EGFL7: variants seen among roughly 807,000 people sequenced by gnomAD.
EGFL7 encodes the protein epidermal growth factor-like protein 7.
In EGFL7, 48 loss-of-function variants were observed where a neutral mutation model predicts 37.1. The observed-to-expected ratio is 1.29, with a 90% CI of 1.03 to 1.65. EGFL7 has a LOEUF of 1.65. Ranked by LOEUF, EGFL7 falls within the 40% of genes most tolerant of loss-of-function variation. The pLI is 0.00. For missense variants in EGFL7, 384 were observed against 378.9 expected (o/e 1.01, Z -0.11); for synonymous variants, 180 against 156.8 (o/e 1.15, Z -1.10).
Position 136,666,749 on chromosome 9 carries a change from TCCCGGGTCCCACTC to T in EGFL7, c.-42-1488_-42-1475del, listed in dbSNP as rs1307752386. Reference sequence around the variant, plus strand: ...CCGGGCCGCTGCCCTACCTCTTCCTTCCCGGGTCCCACTCCCCAATGTCCCCCGACTTCGAGTCT... The same window carrying T: ...CCGGGCCGCTGCCCTACCTCTTCCTTCCCAATGTCCCCCGACTTCGAGTCT... On this transcript the variant is annotated intron_variant, in intron 3 of 10. Transcript: ENST00000308874. The surrounding 1 kb of genome is among the most constrained non-coding windows in gnomAD (Gnocchi z 6.8). Among the ~76,000 whole-genome samples, 4 of 151,906 alleles carry T rather than the reference TCCCGGGTCCCACTC, an allele frequency of 2.6e-5. No homozygotes were observed. Among genetic ancestry groups the T allele is most frequent in the Admixed American group, 2.6e-4 (4 of 15,260 alleles).
At position 136,672,599 on chromosome 9, in the gene EGFL7, A is replaced by G. The variant is rs2119169865; in HGVS notation, c.*313A>G. 1.9e-6 allele frequency: 1 copy of G among 515,688 alleles called. No homozygotes were observed. The highest frequency in any genetic ancestry group is 2.8e-5 in the South Asian group (1 of 35,780). 31.9% of individuals were successfully genotyped at this position (515,688 alleles called of 1,614,324 possible). ...TGCTGGAGCCTGGGACCCATGGCACAGGCCAGGCAGCCCGGAGGCTGGGTG... is the reference window on the plus strand; with the variant it reads ...TGCTGGAGCCTGGGACCCATGGCACGGGCCAGGCAGCCCGGAGGCTGGGTG... On this transcript the variant is annotated 3_prime_UTR_variant, in exon 11 of 11. Coordinates refer to ENST00000308874, the MANE Select transcript of EGFL7 (RefSeq NM_016215.5).
intron 10 of EGFL7, 34 bp from the exon 11 acceptor site, chr9:136,672,230 A>G (rs757766832): frequency 6.2e-7 from 1 of 1,613,254 alleles, no homozygotes; most frequent in South Asian, 1.1e-5. Context: ...TGTGGGGAGC[A>G]GTGATCTCTG....
At position 136,672,510 on chromosome 9, in the gene EGFL7, C is replaced by T. The variant is rs1845987840; in HGVS notation, c.*224C>T. 3.2e-6 allele frequency: 2 copies of T among 617,718 alleles called. No individual in the cohort carries two copies. Among genetic ancestry groups the T allele is most frequent in the African/African-American group, 1.8e-5 (1 of 54,298 alleles). The allele number at this position is 617,718 out of a possible 1,614,324, so 38.3% of individuals were successfully genotyped here. A position where few individuals can be genotyped will look rare whatever the true frequency, so the allele number is the denominator to read the frequency against. The stretch of plus-strand genomic sequence containing the variant: ...GAATCCACCCCTGGCTACCCCCACC[C>T]TGGCTACCCCAACGGCATCCCAAGG... On this transcript the variant is annotated 3_prime_UTR_variant, in exon 11 of 11. Transcript: ENST00000308874.
Position 136,672,518 on chromosome 9 carries a change from C to T in EGFL7, c.*232C>T, listed in dbSNP as rs1845988166. On this transcript the variant is annotated 3_prime_UTR_variant, in exon 11 of 11. Coordinates refer to ENST00000308874, the MANE Select transcript of EGFL7 (RefSeq NM_016215.5). Reference sequence around the variant, plus strand: ...CCCTGGCTACCCCCACCCTGGCTACCCCAACGGCATCCCAAGGCCAGGTGG... The same window carrying T: ...CCCTGGCTACCCCCACCCTGGCTACTCCAACGGCATCCCAAGGCCAGGTGG... 1.6e-6 allele frequency: 1 copy of T among 609,878 alleles called. No individual in the cohort carries two copies. Among genetic ancestry groups the T allele is most frequent in the Non-Finnish European group, 2.9e-6 (1 of 345,916 alleles). 37.8% of individuals were successfully genotyped at this position (609,878 alleles called of 1,614,324 possible).
chr9:136,672,432 T>C lies in EGFL7; in HGVS notation c.*146T>C. On this transcript the variant is annotated 3_prime_UTR_variant, in exon 11 of 11. Coordinates refer to ENST00000308874, the MANE Select transcript of EGFL7 (RefSeq NM_016215.5). ...GCCTTCCTCCTCTTCCTCCTCCCCT[T>C]CCTCGGGAGGCTCCCCAGACCCTGG... The C allele has an allele frequency of 1.1e-6, 1 of 947,050 alleles. No homozygotes were observed. The highest frequency in any genetic ancestry group is 1.6e-6 in the Non-Finnish European group (1 of 616,522). The allele number at this position is 947,050 out of a possible 1,614,324, so 58.7% of individuals were successfully genotyped here.
In EGFL7 at chr9:136,668,368, C is replaced by G; in HGVS notation, c.80+6C>G. The G allele has an allele frequency of 1.3e-6, 2 of 1,590,194 alleles. No individual in the cohort carries two copies. Among genetic ancestry groups the G allele is most frequent in the Non-Finnish European group, 1.7e-6 (2 of 1,168,076 alleles). The stretch of plus-strand genomic sequence containing the variant: ...GAGCACGCCTACCGGCCCGGGTGAG[C>G]CAAGCCCTAGCCTGGGAGTGCTGGG... On this transcript the variant is annotated splice_donor_region_variant and intron_variant, in intron 4 of 10. Coordinates refer to ENST00000308874, the MANE Select transcript of EGFL7 (RefSeq NM_016215.5).
intron 4 of EGFL7, 32 bp from the exon 5 acceptor site, chr9:136,668,525 C>T (rs2119124054): frequency 1.3e-6 from 2 of 1,596,644 alleles, no homozygotes; most frequent in African/African-American, 1.3e-5. Flanking sequence ...TGCTCTGGGA[C>T]TCCTGGGCTG....
chr9:136,670,747 G>T, intron 8 of EGFL7: 1 of 737,430 alleles, frequency 1.4e-6, no homozygotes, highest in East Asian at 2.6e-5. Flanking sequence ...CCGGGACCCT[G>T]AGCCTCTGCG....
intron 3 of EGFL7, 47 bp from the exon 4 acceptor site, chr9:136,668,194 C>A: frequency 1.7e-6 from 2 of 1,179,858 alleles, no homozygotes; most frequent in Non-Finnish European, 1.2e-6. Flanking sequence ...CACCCGCGTC[C>A]TGGGGGCATC....
Position 136,670,335 on chromosome 9 carries a change from A to G in EGFL7, c.571+5A>G. 8 of 1,558,696 alleles carry G rather than the reference A, an allele frequency of 5.1e-6. No homozygotes were observed. The highest frequency in any genetic ancestry group is 5.2e-6 in the Non-Finnish European group (6 of 1,149,180). ...GGGTGGCCCCCAACCCGACAGGTAA[A>G]CAGCCCTGGCTGTGCCTGGCCTGGG... On this transcript the variant is annotated splice_donor_5th_base_variant and intron_variant, in intron 8 of 10. Transcript: ENST00000308874.
In EGFL7 at chr9:136,672,537, C is replaced by T; in HGVS notation, c.*251C>T. The T allele has an allele frequency of 1.7e-6, 1 of 596,926 alleles. No individual in the cohort carries two copies. Among genetic ancestry groups the T allele is most frequent in the Non-Finnish European group, 3.0e-6 (1 of 335,486 alleles). The allele number at this position is 596,926 out of a possible 1,614,324, so 37.0% of individuals were successfully genotyped here. ...GGCTACCCCAACGGCATCCCAAGGC[C>T]AGGTGGGCCCTCAGCTGAGGGAAGG... is the stretch of plus-strand genomic sequence containing the variant. On this transcript the variant is annotated 3_prime_UTR_variant, in exon 11 of 11. Transcript: ENST00000308874.
At chr9:136,668,756 G>A (rs2119126919) in intron 5 of EGFL7, 83 bp downstream of exon 5, 1 of 1,206,242 alleles carries the variant, frequency 8.3e-7, no homozygotes, top group Non-Finnish European at 1.2e-6. Flanking sequence ...CGAGGCGGGG[G>A]TGAATCCTGG....
rs1252531583 is a variant in EGFL7 at position 136,670,221 on chromosome 9, C to T, written c.462C>T (p.Asn154=). 6.2e-7 allele frequency: 1 copy of T among 1,612,466 alleles called. No homozygotes were observed. ...RRGGCPQRCV[N]TAGSYWCQCW... ...GCGGCTGTCCCCAGCGCTGCGTCAA[C>T]ACCGCCGGCAGTTACTGGTGCCAGT... Residue 154 remains asparagine (N), a synonymous_variant, in exon 8 of 11, where the codon AAC becomes AAT. Transcript: ENST00000308874.
intron 8 of EGFL7, 154 bp from the exon 9 acceptor site, chr9:136,670,796 C>T (rs973539163): frequency 2.6e-6 from 2 of 781,304 alleles, no homozygotes; most frequent in East Asian, 5.4e-5. Flanking sequence ...CGGCATAGCC[C>T]TGAGACCTCT....
upstream of EGFL7, chr9:136,658,987 C>A (rs1290647510): frequency 6.6e-6 from 1 of 151,912 alleles, no homozygotes; most frequent in Admixed American, 6.6e-5. Flanking sequence ...CGAGGGGTCC[C>A]CCGGGCGACC....
In EGFL7 at chr9:136,670,163, C is replaced by A; in HGVS notation, c.410-6C>A. On this transcript the variant is annotated splice_polypyrimidine_tract_variant and splice_region_variant and intron_variant, in intron 7 of 10. Transcript: ENST00000308874. ...GCATGGCCGCCTGACACCCCGTTTCCTGCAGATGTGGATGAATGCAGTGCT... is the reference window on the plus strand; with the variant it reads ...GCATGGCCGCCTGACACCCCGTTTCATGCAGATGTGGATGAATGCAGTGCT... 2 of 1,612,742 alleles carry A rather than the reference C, an allele frequency of 1.2e-6. No individual in the cohort carries two copies. The highest frequency in any genetic ancestry group is 1.7e-6 in the Non-Finnish European group (2 of 1,179,924).
chr9:136,669,747 G>T (rs375940008), intron 6 of EGFL7, 26 bp downstream of exon 6: 1 of 1,520,980 alleles, frequency 6.6e-7, no homozygotes, highest in Admixed American at 2.0e-5. Flanking sequence ...CTCGGCGCCC[G>T]GTGTTAGGAG....
chr9:136,666,065 C>CGGCG lies in EGFL7; in HGVS notation c.-43+1294_-43+1297dup, dbSNP rs989898761. Among the ~76,000 whole-genome samples the CGGCG allele has an allele frequency of 5.6e-5, 8 of 141,736 alleles. No homozygotes were observed. Among genetic ancestry groups the CGGCG allele is most frequent in the East Asian group, 4.4e-4 (2 of 4,586 alleles). 93.0% of individuals were successfully genotyped at this position (141,736 alleles called of 152,430 possible). A position where few individuals can be genotyped will look rare whatever the true frequency, so the allele number is the denominator to read the frequency against. On this transcript the variant is annotated intron_variant, in intron 3 of 10. Coordinates refer to ENST00000308874, the MANE Select transcript of EGFL7 (RefSeq NM_016215.5). This position sits in a 1 kb window ranked among gnomAD's most constrained non-coding sequence, Gnocchi z 6.8. ...CCCGGGAACCGGCTCCCCCTGCCGG[C>CGGCG]GGCGGGCGGGCGGGCGGCGCGGCGG...
chr9:136,670,189 A>G lies in EGFL7; in HGVS notation c.430A>G (p.Arg144Gly), dbSNP rs1205397022. The change falls in exon 8 of 11, where the codon AGG becomes GGG. Residue 144 changes from arginine to glycine, a missense_variant. Transcript: ENST00000308874. ...TGCAGATGTGGATGAATGCAGTGCT[A>G]GGAGGGGCGGCTGTCCCCAGCGCTG... The part of the protein sequence containing the change: ...CQSDVDECSA[R>G]RGGCPQRCVN... 1.2e-6 allele frequency: 2 copies of G among 1,612,564 alleles called. No homozygotes were observed. The highest frequency in any genetic ancestry group is 1.7e-6 in the Non-Finnish European group (2 of 1,179,906).
Sources: gnomAD v4.1 joint callset for allele counts (sites outside exome capture counted in the v4.1 genomes callset) on GRCh38, gnomAD v4.1.1 for gene constraint, Gnocchi (gnomAD v3.1) non-coding constraint, MANE v1.5 for transcripts, NCBI Gene and HGNC (gene_info 2026-07-23, HGNC 2026-07-21) for gene names.